Variants in STIL observed in about 807,000 individuals in gnomAD.
STIL encodes STIL centriolar assembly protein, also known as SCL-interrupting locus protein.
Under a neutral mutation model 110.1 loss-of-function variants are expected in STIL, and 55 were observed. The ratio of observed to expected loss-of-function variants is 0.50; its 90% CI spans 0.40 to 0.63. STIL has a LOEUF of 0.63. Ranked by LOEUF, STIL falls within the 20% of genes least tolerant of loss-of-function variation. The probability of loss-of-function intolerance (pLI) is 0.00; values close to 1 mark genes in which losing one functional copy is unlikely to be tolerated. For missense variants in STIL, 1,358 were observed against 1,530.0 expected (o/e 0.89, Z 1.87); for synonymous variants, 481 against 530.0 (o/e 0.91, Z 1.27).
At chr1:47,289,654 TGA>T in intron 8 of STIL, 69 bp from the exon 9 acceptor site, 2 of 1,415,986 alleles carry the variant, frequency 1.4e-6, no homozygotes, top group East Asian at 4.6e-5. Flanking sequence ...TAACTTCATG[TGA>T]GTCTCCCAAT....
At chr1:47,277,530 T>C (rs1172223288) in intron 12 of STIL, among the ~76,000 whole-genome samples, 1 of 152,114 alleles carries the variant, frequency 6.6e-6, no homozygotes, top group Non-Finnish European at 1.5e-5. Flanking sequence ...GAGGGGATAG[T>C]ACTGGATGGA....
intron 10 of STIL, among the ~76,000 whole-genome samples, chr1:47,285,069 G>A (rs941480977): frequency 2.0e-4 from 29 of 145,696 alleles, no homozygotes; most frequent in African/African-American, 7.1e-4. Context: ...TATCACCCAG[G>A]CTGCAGTGCA....
In STIL at chr1:47,280,722, T is replaced by A. The variant is rs144699266; in HGVS notation, c.1736A>T (p.His579Leu). 4.3e-6 allele frequency: 7 copies of A among 1,613,966 alleles called. No homozygotes were observed. Among genetic ancestry groups the A allele is most frequent in the Admixed American group, 3.3e-5 (2 of 59,992 alleles). ...AAGTTCCATTGGTCTTCCTGAATTA[T>A]GGGGTGAAAAAACAAAATCGTGTGG... Reference protein sequence around the residue: ...SQPHDFVFSPHNSGRPMELQI... With the variant: ...SQPHDFVFSPLNSGRPMELQI... The change falls in exon 12 of 17, where the codon CAT (histidine) becomes CTT (leucine). Residue 579 changes from histidine to leucine, a missense_variant. Coordinates refer to ENST00000371877, the MANE Select transcript of STIL (RefSeq NM_001048166.1).
At chr1:47,262,586 C>G (rs1644516130) in intron 15 of STIL, among the ~76,000 whole-genome samples, 1 of 152,166 alleles carries the variant, frequency 6.6e-6, no homozygotes, top group African/African-American at 2.4e-5. Flanking sequence ...AAATATCCCA[C>G]TACTTTCCAA....
At chr1:47,273,684 A>C (rs1426664233) in intron 12 of STIL, among the ~76,000 whole-genome samples, 1 of 152,150 alleles carries the variant, frequency 6.6e-6, no homozygotes, top group African/African-American at 2.4e-5. Context: ...TTGTGTGGAC[A>C]TATTTTTTTC....
At position 47,281,093 on chromosome 1, in the gene STIL, C is replaced by A. The variant is rs1645146286; in HGVS notation, c.1365G>T (p.Leu455Phe). ...GCTTCAAGTGTTCCAAGTGGTTAAT[C>A]AAAGGAGGATTTTCATTATTCACCA... ...LEMVNNENPP[L>F]INHLEHLKPL... Residue 455 changes from leucine to phenylalanine, a missense_variant, in exon 12 of 17, where the codon TTG (leucine) becomes TTT (phenylalanine). By Grantham distance (22) the Leu-to-Phe change is conservative. Coordinates refer to ENST00000371877, the MANE Select transcript of STIL (RefSeq NM_001048166.1). The A allele has an allele frequency of 1.2e-6, 2 of 1,613,920 alleles. No homozygotes were observed. Among genetic ancestry groups the A allele is most frequent in the Non-Finnish European group, 1.7e-6 (2 of 1,180,008 alleles).
chr1:47,271,520 T>C (rs571303118), intron 13 of STIL, among the ~76,000 whole-genome samples: 45 of 144,978 alleles, frequency 3.1e-4, no homozygotes, highest in African/African-American at 1.1e-3. Context: ...GACTATGCCA[T>C]TGCACTCCAG....
chr1:47,293,613 A>C (rs1376436778), intron 7 of STIL, 69 bp from the exon 8 acceptor site: 1 of 1,282,884 alleles, frequency 7.8e-7, no homozygotes, highest in East Asian at 2.3e-5. Flanking sequence ...CATTCTTCCT[A>C]AGATAACAAA....
rs928552713 is a variant in STIL at position 47,283,859 on chromosome 1, T to C, written c.1134-1400A>G. On this transcript the variant is annotated intron_variant, in intron 10 of 16. Transcript: ENST00000371877. ...TAAGATGAATATACACACAAAACCG[T>C]TGACACTGAGCAATAAAACCCATTT... 4.0e-5 allele frequency: 6 copies of C among 150,686 alleles called. No individual in the cohort carries two copies. In the East Asian group the frequency reaches 1.2e-3, roughly 30 times the overall value. The allele number at this position is 150,686 out of a possible 1,614,324, so 9.3% of individuals were successfully genotyped here.
intron 5 of STIL, among the ~76,000 whole-genome samples, 188 bp downstream of exon 5, chr1:47,301,373 A>G (rs1319892939): frequency 6.6e-6 from 1 of 152,176 alleles, no homozygotes; most frequent in Non-Finnish European, 1.5e-5. Flanking sequence ...GCTTCTTCTG[A>G]AAGGCTACTC....
intron 13 of STIL, 111 bp from the exon 14 acceptor site, chr1:47,269,977 C>T (rs1448296398): frequency 2.0e-6 from 2 of 999,418 alleles, no homozygotes; most frequent in Admixed American, 3.8e-5. Context: ...TGGCTCACGC[C>T]TATAATCCCA....
At chr1:47,299,805 T>G in intron 6 of STIL, 100 bp downstream of exon 6, 1 of 1,245,030 alleles carries the variant, frequency 8.0e-7, no homozygotes, top group Non-Finnish European at 1.1e-6. Context: ...CCACCATATC[T>G]CTGGCATATA....
intron 15 of STIL, among the ~76,000 whole-genome samples, 181 bp downstream of exon 15, chr1:47,262,721 TG>T (rs1352812307): frequency 1.3e-5 from 2 of 152,226 alleles, no homozygotes; most frequent in African/African-American, 4.8e-5. Context: ...AGTATGTTTA[TG>T]GTAAATTAGT....
At chr1:47,311,988 G>A (rs1351887054) in intron 1 of STIL, among the ~76,000 whole-genome samples, 1 of 152,206 alleles carries the variant, frequency 6.6e-6, no homozygotes, top group East Asian at 1.9e-4. Flanking sequence ...GGAGGTTGCA[G>A]TGAGCTGATA....
At chr1:47,302,661 G>A (rs1645840163) in intron 3 of STIL, among the ~76,000 whole-genome samples, 1 of 152,052 alleles carries the variant, frequency 6.6e-6, no homozygotes, top group Admixed American at 6.6e-5. Flanking sequence ...TACTGTGTAT[G>A]GGCTTCAGAT....
At chr1:47,294,699 T>A (rs12184262) in intron 7 of STIL, among the ~76,000 whole-genome samples, 38,365 of 152,088 alleles carry the variant, frequency 0.25, 5,225 homozygotes, top group Non-Finnish European at 0.32. Context: ...CATGTATACA[T>A]ATATAAAAAA....
At chr1:47,303,266 TA>T (rs1448803101) in intron 3 of STIL, among the ~76,000 whole-genome samples, 1 of 152,258 alleles carries the variant, frequency 6.6e-6, no homozygotes, top group African/African-American at 2.4e-5. Flanking sequence ...CGCCACGTTT[TA>T]AAAAACCTAA....
At chr1:47,265,307 A>G (rs1241585510) in intron 14 of STIL, among the ~76,000 whole-genome samples, 2 of 148,084 alleles carry the variant, frequency 1.4e-5, no homozygotes, top group African/African-American at 4.9e-5. Flanking sequence ...AACCCCCATT[A>G]TTCTAGAAAG....
At chr1:47,255,763 C>T (rs965748203) in intron 16 of STIL, among the ~76,000 whole-genome samples, 2 of 152,240 alleles carry the variant, frequency 1.3e-5, no homozygotes, top group Admixed American at 1.3e-4. Flanking sequence ...GACCTCGAAC[C>T]CACAATCTCC....
Sources: allele counts gnomAD v4.1 joint callset (sites outside exome capture counted in the v4.1 genomes callset), GRCh38; gene constraint gnomAD v4.1.1; transcripts MANE v1.5; gene names NCBI Gene and HGNC (gene_info 2026-07-23, HGNC 2026-07-21).